SLCO1B1: variants seen among roughly 807,000 people sequenced by gnomAD.
SLCO1B1 encodes the protein OATP-2.
SLCO1B1 carries 81 observed loss-of-function variants against 70.1 expected under a neutral mutation model. That is an observed-to-expected ratio of 1.16 (90% CI 0.97 to 1.39). The LOEUF is 1.39. SLCO1B1 is among the 40% of genes most tolerant of loss of function. The pLI is 0.00. For synonymous variants in SLCO1B1, 283 were observed against 271.5 expected (o/e 1.04, Z -0.42); for missense variants, 895 against 799.6 (o/e 1.12, Z -1.44).
At chr12:21,227,460 A>T (rs776881889) in intron 14 of SLCO1B1, among the ~76,000 whole-genome samples, 3 of 152,124 alleles carry the variant, frequency 2.0e-5, no homozygotes, top group Non-Finnish European at 2.9e-5. Context: ...TCTTCCATTT[A>T]ATGTGTAAAT....
At chr12:21,154,536 A>C (rs1940515488) in intron 2 of SLCO1B1, among the ~76,000 whole-genome samples, 2 of 152,142 alleles carry the variant, frequency 1.3e-5, no homozygotes, top group Non-Finnish European at 2.9e-5. Context: ...AAACAGACTG[A>C]GACATATGTT....
In SLCO1B1 at chr12:21,210,858, GT is replaced by G. The variant is rs1487054782; in HGVS notation, c.1497+4828del. ...GAGTTCACTCATGATTTGGCTCTCT[GT>G]TTGTCTGTTGTTGGTGTATAGGAAT... On this transcript the variant is annotated intron_variant, in intron 11 of 14. Transcript: ENST00000256958. 3.4e-3 allele frequency among the ~76,000 whole-genome samples: 514 copies of G among 151,882 alleles called. 4 individuals are homozygous for G. Among genetic ancestry groups the G allele is most frequent in the African/African-American group, 0.012 (483 of 41,386 alleles).
chr12:21,137,415 G>T (rs1175154159), intron 1 of SLCO1B1, among the ~76,000 whole-genome samples: 1 of 152,178 alleles, frequency 6.6e-6, no homozygotes, highest in African/African-American at 2.4e-5. Context: ...GTTTGTCTGT[G>T]CCCTGCCCCC....
chr12:21,229,958 C>CT (rs1327155603), intron 14 of SLCO1B1, among the ~76,000 whole-genome samples: 1 of 152,116 alleles, frequency 6.6e-6, no homozygotes, highest in Admixed American at 6.5e-5. Flanking sequence ...AGTGGGAAGA[C>CT]TTTGAGTTTC....
In SLCO1B1 at chr12:21,225,488, CA is replaced by C. The variant is rs11357260; in HGVS notation, c.1865+650del. ...TTATACACTTTGAAATGTGAAACTA[CA>C]TGTATTAAAACTCATAGTATAATTT... On this transcript the variant is annotated intron_variant, in intron 14 of 14. Transcript: ENST00000256958. Among the ~76,000 whole-genome samples, 1,182 of 152,142 alleles carry C rather than the reference CA, an allele frequency of 7.8e-3. 14 individuals carry two copies. The highest frequency in any genetic ancestry group is 0.027 in the African/African-American group (1,103 of 41,522).
chr12:21,193,311 C>G (rs1223163141), intron 7 of SLCO1B1, among the ~76,000 whole-genome samples: 1 of 152,140 alleles, frequency 6.6e-6, no homozygotes, highest in Admixed American at 6.5e-5. Flanking sequence ...AGTCAGCCTA[C>G]TATGGAGGGC....
intron 7 of SLCO1B1, among the ~76,000 whole-genome samples, chr12:21,195,508 T>C (rs1241970091): frequency 6.6e-6 from 1 of 152,162 alleles, no homozygotes; most frequent in East Asian, 1.9e-4. Context: ...CAAGTGCTCA[T>C]GTGCTAATTT....
intron 7 of SLCO1B1, among the ~76,000 whole-genome samples, chr12:21,192,052 GAT>G (rs1282456161): frequency 6.6e-6 from 1 of 151,972 alleles, no homozygotes; most frequent in Non-Finnish European, 1.5e-5. Flanking sequence ...GTCTTCATCA[GAT>G]ATATTGGTTT....
At chr12:21,168,917 G>A (rs1290670885) in intron 2 of SLCO1B1, among the ~76,000 whole-genome samples, 1 of 152,104 alleles carries the variant, frequency 6.6e-6, no homozygotes, top group Non-Finnish European at 1.5e-5. Context: ...TTTGTTGCCT[G>A]TGCTTTTTGT....
At chr12:21,148,899 T>G (rs956497392) in intron 2 of SLCO1B1, among the ~76,000 whole-genome samples, 2 of 152,168 alleles carry the variant, frequency 1.3e-5, no homozygotes, top group African/African-American at 4.8e-5. Context: ...CTTATTTCAT[T>G]GAGCAGTGGT....
intron 7 of SLCO1B1, 38 bp downstream of exon 7, chr12:21,179,058 T>G (rs552235261): frequency 1.4e-5 from 18 of 1,262,874 alleles, no homozygotes; most frequent in Non-Finnish European, 2.1e-5. Flanking sequence ...GATAACGTCT[T>G]TCTAAGCACA....
At chr12:21,194,608 C>A (rs1941070899) in intron 7 of SLCO1B1, among the ~76,000 whole-genome samples, 1 of 152,128 alleles carries the variant, frequency 6.6e-6, no homozygotes. Context: ...AACTTTCCTT[C>A]ATTTTCTTAT....
At chr12:21,170,084 T>C (rs1940738894) in intron 2 of SLCO1B1, among the ~76,000 whole-genome samples, 1 of 152,166 alleles carries the variant, frequency 6.6e-6, no homozygotes, top group Admixed American at 6.5e-5. Flanking sequence ...CTCCACCTCG[T>C]GTCTCTGTCT....
At chr12:21,220,638 A>G (rs865945504) in intron 12 of SLCO1B1, among the ~76,000 whole-genome samples, 6 of 152,080 alleles carry the variant, frequency 3.9e-5, no homozygotes, top group Non-Finnish European at 7.4e-5. Flanking sequence ...AGGTTTCATG[A>G]GAAAAACTAG....
intron 11 of SLCO1B1, among the ~76,000 whole-genome samples, chr12:21,214,798 A>G (rs556539466): frequency 6.6e-6 from 1 of 152,244 alleles, no homozygotes; most frequent in East Asian, 1.9e-4. Context: ...GGAAAAGCGC[A>G]GTATTCGGGT....
At chr12:21,215,617 AT>A (rs1161914923) in intron 11 of SLCO1B1, among the ~76,000 whole-genome samples, 1 of 152,076 alleles carries the variant, frequency 6.6e-6, no homozygotes, top group Non-Finnish European at 1.5e-5. Context: ...ATATGCATCT[AT>A]ATTCATCTAT....
At chr12:21,203,243 T>C (rs890427181) in intron 10 of SLCO1B1, among the ~76,000 whole-genome samples, 2 of 152,068 alleles carry the variant, frequency 1.3e-5, no homozygotes, top group Non-Finnish European at 1.5e-5. Flanking sequence ...TTTTCTGATA[T>C]TATCTACATT....
intron 7 of SLCO1B1, among the ~76,000 whole-genome samples, chr12:21,189,211 CT>C (rs1940998781): frequency 6.6e-6 from 1 of 152,004 alleles, no homozygotes; most frequent in South Asian, 2.1e-4. Flanking sequence ...CTGGCTGTAC[CT>C]TTTTGTATTC....
chr12:21,179,597 T>C (rs1940868097), intron 7 of SLCO1B1, among the ~76,000 whole-genome samples: 1 of 152,174 alleles, frequency 6.6e-6, no homozygotes, highest in Non-Finnish European at 1.5e-5. Flanking sequence ...TTCCTTCTTA[T>C]CTCATAGATG....
Sources: allele counts gnomAD v4.1 joint callset (sites outside exome capture counted in the v4.1 genomes callset), GRCh38; gene constraint gnomAD v4.1.1; transcripts MANE v1.5; gene names NCBI Gene and HGNC (gene_info 2026-07-23, HGNC 2026-07-21).